PLCB1: variants seen among roughly 807,000 people sequenced by gnomAD.
PLCB1 encodes the protein phospholipase C beta 1.
In PLCB1, 46 loss-of-function variants were observed where a neutral mutation model predicts 161.8. The observed-to-expected ratio is 0.28, with a 90% CI of 0.22 to 0.36. The LOEUF (loss-of-function observed/expected upper bound fraction) is 0.36, where lower values mean the gene tolerates loss of function less well. PLCB1 is among the 10% of genes least tolerant of loss of function. The pLI is 1.00. For missense variants in PLCB1, 1,016 were observed against 1,472.5 expected (o/e 0.69, Z 5.07); for synonymous variants, 517 against 503.7 (o/e 1.03, Z -0.35).
At chr20:8,359,908 G>C (rs1289610370) in intron 2 of PLCB1, among the ~76,000 whole-genome samples, 2 of 152,218 alleles carry the variant, frequency 1.3e-5, no homozygotes, top group South Asian at 4.1e-4. Flanking sequence ...CAAGTTTAAC[G>C]TTATTTTCTA....
chr20:8,518,376 A>T (rs1333072937), intron 3 of PLCB1, among the ~76,000 whole-genome samples: 1 of 152,140 alleles, frequency 6.6e-6, no homozygotes, highest in Non-Finnish European at 1.5e-5. Flanking sequence ...GAATTTTTTC[A>T]CAGCTCACAA....
intron 31 of PLCB1, among the ~76,000 whole-genome samples, chr20:8,854,771 CT>C (rs1244753953): frequency 6.6e-6 from 1 of 152,254 alleles, no homozygotes; most frequent in Non-Finnish European, 1.5e-5. Context: ...GAACGACAAA[CT>C]CGGCAAGGAG....
At chr20:8,340,379 A>G (rs909375166) in intron 2 of PLCB1, among the ~76,000 whole-genome samples, 1 of 152,100 alleles carries the variant, frequency 6.6e-6, no homozygotes, top group Non-Finnish European at 1.5e-5. Flanking sequence ...TCTATTATGC[A>G]TTTTCAAGGA....
chr20:8,839,817 G>T (rs1465796835), intron 31 of PLCB1, among the ~76,000 whole-genome samples: 3 of 151,288 alleles, frequency 2.0e-5, no homozygotes, highest in Non-Finnish European at 4.4e-5. Flanking sequence ...GATCACCTCA[G>T]GTCAGGAGTT....
At chr20:8,414,632 T>G (rs570542452) in intron 3 of PLCB1, among the ~76,000 whole-genome samples, 1 of 152,348 alleles carries the variant, frequency 6.6e-6, no homozygotes, top group South Asian at 2.1e-4. Flanking sequence ...AACATTTCTC[T>G]GATGTTTAAT....
In PLCB1 at chr20:8,269,007, C is replaced by A. The variant is rs116635220; in HGVS notation, c.178-102375C>A. Among the ~76,000 whole-genome samples, 651 of 151,798 alleles carry A rather than the reference C, an allele frequency of 4.3e-3. 4 individuals are homozygous for A. The highest frequency in any genetic ancestry group is 0.014 in the African/African-American group (599 of 41,380). ...GGAGGAAGGGACATCAACTTTGCTT[C>A]AGAGAAAATGAATTTATCTCCTCAG... On this transcript the variant is annotated intron_variant, in intron 2 of 31. Coordinates refer to ENST00000338037, the MANE Select transcript of PLCB1 (RefSeq NM_015192.4).
chr20:8,851,379 T>A (rs979270681), intron 31 of PLCB1, among the ~76,000 whole-genome samples: 1 of 152,244 alleles, frequency 6.6e-6, no homozygotes, highest in Non-Finnish European at 1.5e-5. Flanking sequence ...ATATATGTGT[T>A]TGCTTATATA....
chr20:8,836,756 A>G (rs1986301643), intron 31 of PLCB1, among the ~76,000 whole-genome samples: 1 of 152,196 alleles, frequency 6.6e-6, no homozygotes, highest in South Asian at 2.1e-4. Context: ...CAAAGTAACA[A>G]ATGTAAAGAG....
chr20:8,548,227 T>TTCCC (rs368791646), intron 3 of PLCB1, among the ~76,000 whole-genome samples: 1 of 104,320 alleles, frequency 9.6e-6, no homozygotes, highest in Non-Finnish European at 2.2e-5. Flanking sequence ...CCTTCCTTCC[T>TTCCC]TCCCTCCCTC....
At position 8,532,353 on chromosome 20, in the gene PLCB1, C is replaced by T. The variant is rs1011824949; in HGVS notation, c.247-95941C>T. 2.8e-4 allele frequency among the ~76,000 whole-genome samples: 43 copies of T among 152,160 alleles called. 1 individual carries two copies. Among genetic ancestry groups the T allele is most frequent in the African/African-American group, 9.9e-4 (41 of 41,436 alleles). On this transcript the variant is annotated intron_variant, in intron 3 of 31. Coordinates refer to ENST00000338037, the MANE Select transcript of PLCB1 (RefSeq NM_015192.4). The stretch of plus-strand genomic sequence containing the variant: ...CCCTGTCAGGTACACATTTTGGTTG[C>T]TAGGCAGCTGCTGGGGAAGCAATCT...
chr20:8,340,496 C>T (rs1030322562), intron 2 of PLCB1, among the ~76,000 whole-genome samples: 245 of 152,074 alleles, frequency 1.6e-3, no homozygotes, highest in African/African-American at 5.5e-3. Flanking sequence ...GATCTCGGCT[C>T]ACTGCAAGCT....
chr20:8,702,060 CTG>C (rs755876945), intron 11 of PLCB1, among the ~76,000 whole-genome samples: 8 of 152,180 alleles, frequency 5.3e-5, no homozygotes, highest in South Asian at 2.1e-4. Flanking sequence ...TGGAAAGCTT[CTG>C]TGTGATAGAT....
intron 3 of PLCB1, among the ~76,000 whole-genome samples, chr20:8,566,528 TAAAC>T (rs1371417383): frequency 6.6e-6 from 1 of 152,168 alleles, no homozygotes; most frequent in East Asian, 1.9e-4. Context: ...TATCACCAAA[TAAAC>T]ATAACATTTC....
chr20:8,876,850 T>TCTAA (rs1987798767), intron 31 of PLCB1, among the ~76,000 whole-genome samples: 1 of 152,106 alleles, frequency 6.6e-6, no homozygotes, highest in African/African-American at 2.4e-5. Context: ...TGAGTAAACT[T>TCTAA]CTAACTGTGA....
At chr20:8,406,484 T>C (rs558878884) in intron 3 of PLCB1, among the ~76,000 whole-genome samples, 48 of 152,214 alleles carry the variant, frequency 3.2e-4, no homozygotes, top group Non-Finnish European at 6.0e-4. Context: ...GATGAAATTA[T>C]TGTGAATTGA....
chr20:8,707,210 G>T (rs1432454264), intron 11 of PLCB1, among the ~76,000 whole-genome samples: 1 of 152,138 alleles, frequency 6.6e-6, no homozygotes, highest in African/African-American at 2.4e-5. Flanking sequence ...ATATGCAAAT[G>T]TAGTACAGAA....
At chr20:8,611,870 C>T (rs1248815075) in intron 3 of PLCB1, among the ~76,000 whole-genome samples, 5 of 151,962 alleles carry the variant, frequency 3.3e-5, no homozygotes, top group Admixed American at 3.3e-4. Flanking sequence ...TGCTTGAGCC[C>T]GGGGGATAGA....
At chr20:8,181,064 A>T (rs1600219997) in intron 2 of PLCB1, among the ~76,000 whole-genome samples, 1 of 151,988 alleles carries the variant, frequency 6.6e-6, no homozygotes, top group Middle Eastern at 3.4e-3. Context: ...CAGCCTGGCC[A>T]ACATGGCGAA....
At chr20:8,840,434 C>A (rs1986456251) in intron 31 of PLCB1, among the ~76,000 whole-genome samples, 1 of 152,136 alleles carries the variant, frequency 6.6e-6, no homozygotes, top group Non-Finnish European at 1.5e-5. Flanking sequence ...AGAGTGAGTG[C>A]TCTGAGGAAG....
Sources: allele counts gnomAD v4.1 joint callset (sites outside exome capture counted in the v4.1 genomes callset), GRCh38; gene constraint gnomAD v4.1.1; transcripts MANE v1.5; gene names NCBI Gene and HGNC (gene_info 2026-07-23, HGNC 2026-07-21).